RAB38: variants seen among roughly 807,000 people sequenced by gnomAD.
RAB38 encodes the protein RAB38, member RAS oncogene family.
In RAB38, 15 loss-of-function variants were observed where a neutral mutation model predicts 18.4. That is an observed-to-expected ratio of 0.82 (90% CI 0.55 to 1.26). The LOEUF is 1.26. Among genes scored for constraint, RAB38 ranks in the 50% most tolerant of loss-of-function variants. The pLI, the probability that RAB38 is intolerant of heterozygous loss-of-function variation, is 0.00. For synonymous variants in RAB38, 101 were observed against 104.4 expected (o/e 0.97, Z 0.20); for missense variants, 294 against 267.4 (o/e 1.10, Z -0.69).
At chr11:88,031,926 A>G in the RAB38 span, among the ~76,000 whole-genome samples, 1,273 of 151,988 alleles carry the variant, frequency 8.4e-3, 17 homozygotes, top group African/African-American at 0.029. Context: ...CGCCAAGTCA[A>G]TCCTAAGCCA....
intron 2 of RAB38, among the ~76,000 whole-genome samples, chr11:88,139,776 C>T (rs1403545994): frequency 6.6e-6 from 1 of 152,110 alleles, no homozygotes; most frequent in Non-Finnish European, 1.5e-5. Context: ...TTTACATGTC[C>T]CTGATGCACA....
chr11:87,850,118 C>T, the RAB38 span, among the ~76,000 whole-genome samples: 1 of 152,110 alleles, frequency 6.6e-6, no homozygotes, highest in Non-Finnish European at 1.5e-5. Context: ...GAAAAGTTAG[C>T]ACAAAGACTC....
the RAB38 span, among the ~76,000 whole-genome samples, chr11:87,953,062 A>ATTAT: frequency 7.3e-6 from 1 of 136,692 alleles, no homozygotes; most frequent in African/African-American, 2.6e-5. Flanking sequence ...TAAATATGTC[A>ATTAT]TTATTTATTT....
the RAB38 span, among the ~76,000 whole-genome samples, chr11:87,821,588 G>T: frequency 9.8e-3 from 1,489 of 152,198 alleles, 19 homozygotes; most frequent in African/African-American, 0.035. Context: ...AGTGGCTCAG[G>T]CCTGTAATCC....
chr11:88,144,139 C>G (rs61909936), intron 2 of RAB38, among the ~76,000 whole-genome samples: 2 of 152,128 alleles, frequency 1.3e-5, no homozygotes, highest in Admixed American at 6.5e-5. Context: ...GCCATCATTT[C>G]CTGTATATTA....
the RAB38 span, among the ~76,000 whole-genome samples, chr11:88,028,110 C>A: frequency 6.6e-6 from 1 of 152,094 alleles, no homozygotes; most frequent in African/African-American, 2.4e-5. Context: ...CTGATACCCA[C>A]GCAAACAGGG....
chr11:88,014,283 G>A, the RAB38 span, among the ~76,000 whole-genome samples: 1 of 152,112 alleles, frequency 6.6e-6, no homozygotes, highest in Admixed American at 6.6e-5. Context: ...AATTCACACA[G>A]TTGCTAAGTG....
At chr11:87,842,048 C>T in the RAB38 span, among the ~76,000 whole-genome samples, 2 of 151,948 alleles carry the variant, frequency 1.3e-5, no homozygotes, top group African/African-American at 2.4e-5. Flanking sequence ...TGTAAGATTC[C>T]GAGACTGAAA....
chr11:87,826,548 A>C, the RAB38 span, among the ~76,000 whole-genome samples: 1 of 152,170 alleles, frequency 6.6e-6, no homozygotes, highest in Non-Finnish European at 1.5e-5. Flanking sequence ...AAAGACAGGA[A>C]GTGACATTTA....
chr11:88,044,022 T>C, the RAB38 span, among the ~76,000 whole-genome samples: 2 of 152,238 alleles, frequency 1.3e-5, no homozygotes, highest in East Asian at 1.9e-4. Context: ...CTTTTAATCT[T>C]AGTGCCACAC....
the RAB38 span, among the ~76,000 whole-genome samples, chr11:87,910,928 G>A: frequency 6.6e-6 from 1 of 152,098 alleles, no homozygotes; most frequent in Non-Finnish European, 1.5e-5. Context: ...GAGCCACAGT[G>A]CGCAGCCTCA....
At chr11:88,024,785 C>T in the RAB38 span, among the ~76,000 whole-genome samples, 1 of 152,096 alleles carries the variant, frequency 6.6e-6, no homozygotes, top group Non-Finnish European at 1.5e-5. Context: ...CATGTTCTCA[C>T]TTACTTATGG....
chr11:87,836,534 C>T, the RAB38 span, among the ~76,000 whole-genome samples: 2 of 152,112 alleles, frequency 1.3e-5, no homozygotes, highest in Non-Finnish European at 2.9e-5. Flanking sequence ...CATCATCTCT[C>T]CCCAAAGTTA....
At chr11:87,868,606 A>AGAGAGAGAGAGAGAGAGAAG in the RAB38 span, among the ~76,000 whole-genome samples, 1 of 80,428 alleles carries the variant, frequency 1.2e-5, no homozygotes, top group Non-Finnish European at 2.8e-5. Context: ...AGAGAGAGAG[A>AGAGAGAGAGAGAGAGAGAAG]GAGAGAGAGA....
the RAB38 span, among the ~76,000 whole-genome samples, chr11:88,096,848 A>C: frequency 1.3e-5 from 2 of 151,796 alleles, no homozygotes; most frequent in African/African-American, 4.8e-5. Context: ...TATTCTAGAA[A>C]CTTATGTCAA....
the RAB38 span, among the ~76,000 whole-genome samples, chr11:87,956,740 T>TA: frequency 2.0e-5 from 3 of 152,214 alleles, no homozygotes; most frequent in Admixed American, 6.5e-5. Context: ...ACATTTTTTT[T>TA]AATCTACCTT....
At chr11:88,029,132 C>A in the RAB38 span, among the ~76,000 whole-genome samples, 1 of 151,834 alleles carries the variant, frequency 6.6e-6, no homozygotes, top group Non-Finnish European at 1.5e-5. Flanking sequence ...CCAAACTAAG[C>A]TTCATAAGCG....
At chr11:88,112,125 C>A (rs1280331755), downstream of RAB38, among the ~76,000 whole-genome samples, 1 of 152,136 alleles carries the variant, frequency 6.6e-6, no homozygotes, top group Non-Finnish European at 1.5e-5. Flanking sequence ...CGCCATGATC[C>A]AATATTTCAG....
the RAB38 span, among the ~76,000 whole-genome samples, chr11:88,103,333 T>C: frequency 4.8e-3 from 732 of 152,164 alleles, 3 homozygotes; most frequent in Non-Finnish European, 8.7e-3. Context: ...TCTAGTACAT[T>C]TCCCAGTTTC....
Sources: allele counts gnomAD v4.1 joint callset (sites outside exome capture counted in the v4.1 genomes callset), GRCh38; gene constraint gnomAD v4.1.1; transcripts MANE v1.5; gene names NCBI Gene and HGNC (gene_info 2026-07-23, HGNC 2026-07-21).